The following KDM4C variants were observed in gnomAD, a reference collection of about 807,000 sequenced individuals.
The protein encoded by KDM4C is lysine-specific demethylase 4C.
A neutral mutation model predicts 129.3 loss-of-function variants in KDM4C; 81 were observed. The ratio of observed to expected loss-of-function variants is 0.63; its 90% confidence interval spans 0.52 to 0.75. The LOEUF is 0.75. KDM4C is among the 30% of genes least tolerant of loss of function. KDM4C has a pLI of 0.00. For missense variants in KDM4C, 1,457 were observed against 1,304.0 expected, an observed-to-expected ratio of 1.12 and a Z score of -1.81; for synonymous variants, 573 against 456.1, an observed-to-expected ratio of 1.26 and a Z score of -3.26.
chr9:6,738,493 G>A (rs778520313), intron 1 of KDM4C, among the ~76,000 whole-genome samples: 1 of 152,088 alleles, frequency 6.6e-6, no homozygotes, highest in Non-Finnish European at 1.5e-5. Context: ...GAGGGCAATG[G>A]CAAGATCAGA....
chr9:6,726,241 C>T (rs749585661), intron 1 of KDM4C, among the ~76,000 whole-genome samples: 21 of 152,154 alleles, frequency 1.4e-4, no homozygotes, highest in Non-Finnish European at 1.9e-4. Context: ...CTTTTTAAAA[C>T]TGGTCAGCCC....
intron 8 of KDM4C, among the ~76,000 whole-genome samples, chr9:6,924,523 T>G (rs1330218717): frequency 6.6e-6 from 1 of 152,176 alleles, no homozygotes; most frequent in Non-Finnish European, 1.5e-5. Flanking sequence ...TCTTCTCTAG[T>G]CCTTTTAGGA....
At chr9:6,820,600 A>C (rs1832851801) in intron 4 of KDM4C, among the ~76,000 whole-genome samples, 1 of 152,010 alleles carries the variant, frequency 6.6e-6, no homozygotes, top group African/African-American at 2.4e-5. Flanking sequence ...GATATAGCAT[A>C]GGAATTAGGG....
chr9:6,924,500 T>G (rs1053019059), intron 8 of KDM4C, among the ~76,000 whole-genome samples: 17 of 152,182 alleles, frequency 1.1e-4, no homozygotes, highest in African/African-American at 4.1e-4. Flanking sequence ...GTCCTTAGTT[T>G]GGGGAATTAC....
chr9:7,116,290 A>G (rs538519848), intron 18 of KDM4C, among the ~76,000 whole-genome samples: 2 of 152,128 alleles, frequency 1.3e-5, no homozygotes, highest in South Asian at 4.2e-4. Flanking sequence ...AATTAGAAGA[A>G]AATGCAAAAT....
At chr9:6,955,770 C>G (rs1041918868) in intron 8 of KDM4C, among the ~76,000 whole-genome samples, 1 of 152,192 alleles carries the variant, frequency 6.6e-6, no homozygotes, top group Non-Finnish European at 1.5e-5. Flanking sequence ...AATACACACT[C>G]TGTATCAAAG....
intron 15 of KDM4C, among the ~76,000 whole-genome samples, chr9:7,019,313 CT>C (rs1208121775): frequency 6.6e-6 from 1 of 152,146 alleles, no homozygotes; most frequent in Non-Finnish European, 1.5e-5. Context: ...CAGTTTTACA[CT>C]CCAGAGGAGC....
intron 1 of KDM4C, among the ~76,000 whole-genome samples, chr9:6,725,473 T>TG (rs1314057061): frequency 1.3e-5 from 2 of 152,074 alleles, no homozygotes; most frequent in Non-Finnish European, 2.9e-5. Flanking sequence ...ATGTCACAGA[T>TG]TCTCTCTTTT....
intron 8 of KDM4C, among the ~76,000 whole-genome samples, chr9:6,973,473 A>G (rs1011103112): frequency 3.3e-5 from 5 of 152,232 alleles, no homozygotes; most frequent in Admixed American, 1.3e-4. Context: ...GGCAGGAGAC[A>G]TGTAATCAGA....
At chr9:7,049,043 T>C in intron 16 of KDM4C, 49 bp from the exon 17 acceptor site, 1 of 1,245,156 alleles carries the variant, frequency 8.0e-7, no homozygotes, top group East Asian at 2.3e-5. Context: ...AGTTGAAGTA[T>C]GTAAGTTTAG....
intron 4 of KDM4C, chr9:6,835,423 A>G (rs1310668406): frequency 4.3e-6 from 5 of 1,166,168 alleles, no homozygotes; most frequent in East Asian, 2.4e-5. Flanking sequence ...GCCCAGCACG[A>G]TGAAGATCAA....
intron 17 of KDM4C, among the ~76,000 whole-genome samples, chr9:7,061,181 C>G (rs190217986): frequency 6.6e-6 from 1 of 152,234 alleles, no homozygotes; most frequent in Admixed American, 6.5e-5. Context: ...CAGTAGTGTT[C>G]CATGTATTTT....
intron 18 of KDM4C, among the ~76,000 whole-genome samples, chr9:7,125,686 G>C (rs988183718): frequency 2.0e-5 from 3 of 152,210 alleles, no homozygotes; most frequent in Non-Finnish European, 2.9e-5. Context: ...TATTTCCCAG[G>C]AGTGTTCTAA....
chr9:7,119,117 C>T (rs1839229213), intron 18 of KDM4C, among the ~76,000 whole-genome samples: 1 of 152,104 alleles, frequency 6.6e-6, no homozygotes, highest in Non-Finnish European at 1.5e-5. Context: ...GGTTAGGCCA[C>T]CAAGAAATTA....
chr9:7,086,928 A>C (rs1002968816), intron 17 of KDM4C, among the ~76,000 whole-genome samples: 1 of 152,078 alleles, frequency 6.6e-6, no homozygotes, highest in South Asian at 2.1e-4. Flanking sequence ...TCTGCCATCT[A>C]TCTGTGATCC....
intron 19 of KDM4C, among the ~76,000 whole-genome samples, chr9:7,130,564 A>T (rs1376301372): frequency 6.6e-6 from 1 of 152,172 alleles, no homozygotes; most frequent in Non-Finnish European, 1.5e-5. Context: ...GAGAATGAAA[A>T]AGCAAAACTC....
chr9:7,067,763 G>A (rs1832634187), intron 17 of KDM4C, among the ~76,000 whole-genome samples: 1 of 152,104 alleles, frequency 6.6e-6, no homozygotes, highest in African/African-American at 2.4e-5. Flanking sequence ...CCACTTCACA[G>A]AAGTAATCAT....
At position 7,011,700 on chromosome 9, in the gene KDM4C, T is replaced by C. The variant is rs1460676358; in HGVS notation, c.1789T>C (p.Leu597=). 1 of 1,614,012 alleles carries C rather than the reference T, an allele frequency of 6.2e-7. No individual in the cohort carries two copies. The highest frequency in any genetic ancestry group is 8.5e-7 in the Non-Finnish European group (1 of 1,179,910). The change falls in exon 13 of 22, where the codon TTG becomes CTG. Residue 597 remains leucine (L), a splice_region_variant and synonymous_variant. Transcript: ENST00000381309. ...ATTTTCCTGCCTTCTCCCTTAAGAA[T>C]TGCCTGAGGTTCTGTCCATTGAGGA... ...VKQQAPSDEE[L]PEVLSIEEEV...
intron 1 of KDM4C, chr9:6,721,025 G>T (rs1416105600): frequency 6.5e-7 from 1 of 1,544,190 alleles, no homozygotes; most frequent in East Asian, 2.4e-5. Flanking sequence ...CATAATCCAG[G>T]ACACTTTGTA....
Sources: gnomAD v4.1 joint callset for allele counts (sites outside exome capture counted in the v4.1 genomes callset) on GRCh38, gnomAD v4.1.1 for gene constraint, MANE v1.5 for transcripts, NCBI Gene and HGNC (gene_info 2026-07-23, HGNC 2026-07-21) for gene names.